Variants in ABCG1 observed in about 807,000 individuals in gnomAD.
ABCG1 encodes ATP-binding cassette sub-family G member 1.
Under a neutral mutation model 69.2 loss-of-function variants are expected in ABCG1, and 29 were observed. The ratio of observed to expected loss-of-function variants is 0.42; its 90% CI spans 0.31 to 0.57. The LOEUF (loss-of-function observed/expected upper bound fraction) is 0.57. ABCG1 is among the 20% of genes least tolerant of loss of function. ABCG1 has a pLI of 0.15. For synonymous variants in ABCG1, 370 were observed against 374.8 expected (o/e 0.99, Z 0.15); for missense variants, 718 against 898.1 (o/e 0.80, Z 2.56).
chr21:42,265,376 AG>A (rs1377007523), intron 2 of ABCG1, among the ~76,000 whole-genome samples: 1 of 152,222 alleles, frequency 6.6e-6, no homozygotes, highest in Non-Finnish European at 1.5e-5. Context: ...AGATGGCATT[AG>A]TTAAGATGAG....
In ABCG1 at chr21:42,291,019, C is replaced by T. The variant is rs563741326; in HGVS notation, c.1394-73C>T. On this transcript the variant is annotated intron_variant, in intron 11 of 14. Transcript: ENST00000398449. This position sits in a 1 kb window ranked among gnomAD's most constrained non-coding sequence, Gnocchi z 6.4. ...GGTTACCAGCCGCTCAGCTCAAGAT[C>T]GCCTGTTGGGATGTTAAACGGGCTC... The T allele has an allele frequency of 3.6e-6, 4 of 1,115,214 alleles. No homozygotes were observed. The highest frequency in any genetic ancestry group is 1.9e-5 in the Admixed American group (1 of 53,740). 69.1% of individuals were successfully genotyped at this position (1,115,214 alleles called of 1,614,324 possible).
rs139897556 is a variant in ABCG1, at chr21:42,224,308, G to A, written c.43-1363G>A. 1.7e-3 allele frequency among the ~76,000 whole-genome samples: 261 copies of A among 152,302 alleles called. 1 individual carries two copies. Among genetic ancestry groups the A allele is most frequent in the African/African-American group, 6.0e-3 (251 of 41,556 alleles). On this transcript the variant is annotated intron_variant, in intron 1 of 14. Transcript: ENST00000398449. ...CAGAGGGCAGGCTGAGGGGCATGGCGTAGCAGCTCCTCCAAGAGGCCCTGC... is the reference window on the plus strand; with the variant it reads ...CAGAGGGCAGGCTGAGGGGCATGGCATAGCAGCTCCTCCAAGAGGCCCTGC...
chr21:42,250,680 G>A (rs1357022759), intron 2 of ABCG1, among the ~76,000 whole-genome samples: 1 of 152,232 alleles, frequency 6.6e-6, no homozygotes, highest in Non-Finnish European at 1.5e-5. Context: ...ACTTGCCTGT[G>A]TGAGGTCAGG....
intron 2 of ABCG1, among the ~76,000 whole-genome samples, chr21:42,208,526 C>T (rs1378575): frequency 0.018 from 2,779 of 152,260 alleles, 86 homozygotes; most frequent in African/African-American, 0.063. Flanking sequence ...AACTTGTGCT[C>T]CTTGTAGAAA....
chr21:42,228,732 G>A (rs1325051734), intron 2 of ABCG1, among the ~76,000 whole-genome samples: 2 of 152,160 alleles, frequency 1.3e-5, no homozygotes, highest in African/African-American at 2.4e-5. Flanking sequence ...GTGCCCACAG[G>A]ATTTCCTGCT....
intron 6 of ABCG1, among the ~76,000 whole-genome samples, chr21:42,284,223 A>ACC (rs371298411): frequency 9.1e-6 from 1 of 110,240 alleles, no homozygotes; most frequent in Non-Finnish European, 1.8e-5. Flanking sequence ...ATGAGTGGGG[A>ACC]CCCCCCCACC....
rs375389034 is a variant in ABCG1, at chr21:42,274,205, G to A, written c.537+770G>A. Among the ~76,000 whole-genome samples, 17 of 152,358 alleles carry A rather than the reference G, an allele frequency of 1.1e-4. 1 individual carries two copies. The highest frequency in any genetic ancestry group is 1.9e-4 in the East Asian group (1 of 5,186). ...ATATTGAAAGGGAAAATACAGGGAA[G>A]GTGGGGTAGAATTCTGACATGCAGT... On this transcript the variant is annotated intron_variant, in intron 4 of 14. Transcript: ENST00000398449.
intron 2 of ABCG1, among the ~76,000 whole-genome samples, chr21:42,241,711 G>A (rs772708267): frequency 2.6e-5 from 4 of 151,896 alleles, no homozygotes; most frequent in African/African-American, 9.7e-5. Flanking sequence ...GCCCTGCTGG[G>A]TGCAGTAGCT....
At chr21:42,275,081 G>A (rs1469851316) in intron 4 of ABCG1, among the ~76,000 whole-genome samples, 1 of 152,174 alleles carries the variant, frequency 6.6e-6, no homozygotes, top group Admixed American at 6.5e-5. Flanking sequence ...CACCTGGAGA[G>A]ACCCTGACTT....
In ABCG1 at chr21:42,259,539, C is replaced by G. The variant is rs771639813; in HGVS notation, c.287-11531C>G. 3.2e-5 allele frequency: 49 copies of G among 1,528,878 alleles called. No individual in the cohort carries two copies. In the East Asian group the frequency reaches 3.5e-4, roughly 11 times the overall value. 94.7% of individuals were successfully genotyped at this position (1,528,878 alleles called of 1,614,324 possible). Reference sequence around the variant, plus strand: ...ACTGAGGCTGGCTGGCTGGAGTCATCATGTGGGCCCTCAGGCTATGGAGGC... The same window carrying G: ...ACTGAGGCTGGCTGGCTGGAGTCATGATGTGGGCCCTCAGGCTATGGAGGC... On this transcript the variant is annotated intron_variant, in intron 2 of 14. Transcript: ENST00000398449.
At chr21:42,252,447 T>C (rs2068237480) in intron 2 of ABCG1, among the ~76,000 whole-genome samples, 1 of 152,206 alleles carries the variant, frequency 6.6e-6, no homozygotes, top group Middle Eastern at 3.4e-3. Context: ...AGCCAGTGTG[T>C]GGGGCTGGGA....
chr21:42,219,013 G>GC, upstream of ABCG1: 1 of 230,918 alleles, frequency 4.3e-6, no homozygotes, highest in East Asian at 1.0e-4. The surrounding 1 kb of genome is among the most constrained non-coding windows in gnomAD (Gnocchi z 5.3). Flanking sequence ...CTGGTCCGCC[G>GC]CCCCCAGCAG....
At chr21:42,210,056 C>T (rs547918531) in intron 2 of ABCG1, among the ~76,000 whole-genome samples, 14 of 151,878 alleles carry the variant, frequency 9.2e-5, no homozygotes, top group African/African-American at 2.9e-4. Context: ...TCACTTCCTT[C>T]GTCTCCGGCT....
intron 2 of ABCG1, among the ~76,000 whole-genome samples, chr21:42,247,821 G>A (rs2068155582): frequency 6.6e-6 from 1 of 152,178 alleles, no homozygotes; most frequent in Admixed American, 6.5e-5. Context: ...GACATGTGGA[G>A]GAGACAGCCC....
intron 1 of ABCG1, among the ~76,000 whole-genome samples, chr21:42,201,373 G>A (rs559833312): frequency 2.0e-5 from 3 of 152,188 alleles, no homozygotes; most frequent in South Asian, 2.1e-4. Context: ...GTCTAATGCC[G>A]CCACTGATCT....
chr21:42,249,275 G>A (rs944127968), intron 2 of ABCG1, among the ~76,000 whole-genome samples: 1 of 152,116 alleles, frequency 6.6e-6, no homozygotes, highest in African/African-American at 2.4e-5. Context: ...GCTGGCTCGT[G>A]GGCACATTTA....
Position 42,276,866 on chromosome 21 carries a change from T to G in ABCG1, c.538-29T>G. The G allele has an allele frequency of 6.2e-7, 1 of 1,613,684 alleles. No individual in the cohort carries two copies. On this transcript the variant is annotated intron_variant, in intron 4 of 14. Coordinates refer to ENST00000398449, the MANE Select transcript of ABCG1 (RefSeq NM_016818.3). This position sits in a 1 kb window ranked among gnomAD's most constrained non-coding sequence, Gnocchi z 5.3. ...CACTGCCAGTGGCCGTCTGTTCTGC[T>G]TCCACACTGTTGTCCTTGTCCCCTG... is the stretch of plus-strand genomic sequence containing the variant.
chr21:42,274,581 T>A (rs1372244983), intron 4 of ABCG1, among the ~76,000 whole-genome samples: 2 of 151,248 alleles, frequency 1.3e-5, no homozygotes, highest in Non-Finnish European at 2.9e-5. Flanking sequence ...TTCAAGCGAT[T>A]CTTCTGCCTC....
At chr21:42,227,351 A>T (rs2067832989) in intron 2 of ABCG1, among the ~76,000 whole-genome samples, 1 of 152,222 alleles carries the variant, frequency 6.6e-6, no homozygotes, top group South Asian at 2.1e-4. Flanking sequence ...GAAATATTTT[A>T]TAGAAAAATG....
Sources: gnomAD v4.1 joint callset for allele counts (sites outside exome capture counted in the v4.1 genomes callset) on GRCh38, gnomAD v4.1.1 for gene constraint, Gnocchi (gnomAD v3.1) non-coding constraint, MANE v1.5 for transcripts, NCBI Gene and HGNC (gene_info 2026-07-23, HGNC 2026-07-21) for gene names.